The following NRG1 variants were observed in gnomAD, a reference collection of about 807,000 sequenced individuals.
The protein encoded by NRG1 is pro-neuregulin-1, membrane-bound isoform.
NRG1 carries 18 observed loss-of-function variants against 63.8 expected under a neutral mutation model. The ratio of observed to expected loss-of-function variants is 0.28; its 90% CI spans 0.19 to 0.42. NRG1 has a LOEUF of 0.42. Among genes scored for constraint, NRG1 ranks in the 10% least tolerant of loss-of-function variants. The probability of loss-of-function intolerance (pLI) is 1.00; values close to 1 mark genes in which losing one functional copy is unlikely to be tolerated. For missense variants in NRG1, 762 were observed against 814.7 expected, an observed-to-expected ratio of 0.94 and a Z score of 0.79; for synonymous variants, 302 against 301.3, an observed-to-expected ratio of 1.00 and a Z score of -0.02.
chr8:32,244,786 A>G (rs1017754699), intron 1 of NRG1, among the ~76,000 whole-genome samples: 2 of 152,194 alleles, frequency 1.3e-5, no homozygotes, highest in African/African-American at 4.8e-5. Context: ...CACCTAAACC[A>G]GCTGTTGAGA....
At chr8:31,788,075 G>C (rs1284609421) in intron 1 of NRG1, among the ~76,000 whole-genome samples, 1 of 152,116 alleles carries the variant, frequency 6.6e-6, no homozygotes, top group East Asian at 1.9e-4. Flanking sequence ...TACAGTCAGT[G>C]ATTGCAAAGC....
chr8:32,734,734 T>G (rs1824568477), intron 6 of NRG1, among the ~76,000 whole-genome samples: 2 of 152,224 alleles, frequency 1.3e-5, no homozygotes, highest in Admixed American at 1.3e-4. Flanking sequence ...GAAGTAGGGT[T>G]GAAGAAAATT....
chr8:32,248,398 G>T (rs889851976), intron 1 of NRG1, among the ~76,000 whole-genome samples: 1 of 151,860 alleles, frequency 6.6e-6, no homozygotes, highest in Admixed American at 6.6e-5. Context: ...ATGCAAAGTG[G>T]CAAAAATGAA....
At chr8:31,922,248 A>T (rs1313591408) in intron 1 of NRG1, among the ~76,000 whole-genome samples, 1 of 152,184 alleles carries the variant, frequency 6.6e-6, no homozygotes, top group Non-Finnish European at 1.5e-5. Flanking sequence ...TCAATAGCAG[A>T]GGCAATGGAA....
At chr8:32,333,379 T>C (rs1441235699) in intron 1 of NRG1, among the ~76,000 whole-genome samples, 1 of 152,068 alleles carries the variant, frequency 6.6e-6, no homozygotes, top group African/African-American at 2.4e-5. Context: ...TCAGGTATTC[T>C]CCTATGGTAT....
intron 1 of NRG1, among the ~76,000 whole-genome samples, chr8:32,080,834 CTTTAG>C (rs1376918731): frequency 6.6e-6 from 1 of 150,492 alleles, no homozygotes; most frequent in Non-Finnish European, 1.5e-5. Flanking sequence ...AAAGAGAGTG[CTTTAG>C]TTTAAGGAAT....
intron 1 of NRG1, among the ~76,000 whole-genome samples, chr8:31,790,833 C>T (rs1030802401): frequency 5.9e-5 from 9 of 152,126 alleles, no homozygotes; most frequent in African/African-American, 2.2e-4. Context: ...CATGAGACAC[C>T]TTGTCCAGGG....
chr8:31,767,775 G>A (rs1818215075), intron 1 of NRG1, among the ~76,000 whole-genome samples: 1 of 149,738 alleles, frequency 6.7e-6, no homozygotes, highest in African/African-American at 2.5e-5. Flanking sequence ...GGAGGCGGAG[G>A]TTGCAGTGAG....
chr8:32,543,759 A>G (rs1309940921), upstream of NRG1, among the ~76,000 whole-genome samples: 1 of 152,140 alleles, frequency 6.6e-6, no homozygotes, highest in Non-Finnish European at 1.5e-5. Context: ...GCCTTTTAGC[A>G]TTTTTCTTTG....
chr8:32,309,707 A>G (rs1171325724), intron 1 of NRG1, among the ~76,000 whole-genome samples: 1 of 152,186 alleles, frequency 6.6e-6, no homozygotes, highest in African/African-American at 2.4e-5. Context: ...ATATTGTTGC[A>G]TCATTTCTGT....
At chr8:31,903,784 G>A (rs1010051739) in intron 1 of NRG1, among the ~76,000 whole-genome samples, 4 of 151,912 alleles carry the variant, frequency 2.6e-5, no homozygotes, top group South Asian at 2.1e-4. Context: ...GGGAAACCCC[G>A]TTTCTACTAA....
chr8:32,054,066 A>G (rs1822437306), intron 1 of NRG1, among the ~76,000 whole-genome samples: 1 of 152,236 alleles, frequency 6.6e-6, no homozygotes, highest in Admixed American at 6.5e-5. Context: ...ACATTCCTGC[A>G]GTTACAATTG....
intron 1 of NRG1, among the ~76,000 whole-genome samples, chr8:32,171,128 G>A (rs1839983464): frequency 6.6e-6 from 1 of 152,054 alleles, no homozygotes; most frequent in Non-Finnish European, 1.5e-5. Context: ...GTGTGTAAAG[G>A]TTATTCAAAT....
At chr8:32,209,824 T>C (rs1430268874) in intron 1 of NRG1, among the ~76,000 whole-genome samples, 12 of 151,418 alleles carry the variant, frequency 7.9e-5, no homozygotes. Flanking sequence ...ACAGGAAGGC[T>C]CAGTGATCAG....
At chr8:32,471,871 C>G (rs1057412088) in intron 1 of NRG1, among the ~76,000 whole-genome samples, 1 of 151,990 alleles carries the variant, frequency 6.6e-6, no homozygotes, top group African/African-American at 2.4e-5. Flanking sequence ...GGCTGGTGCT[C>G]AAAATAATTG....
chr8:32,504,120 A>G (rs1828243338), intron 1 of NRG1, among the ~76,000 whole-genome samples: 1 of 152,124 alleles, frequency 6.6e-6, no homozygotes, highest in African/African-American at 2.4e-5. Context: ...CCACTTACCC[A>G]ACTCCTGCGA....
chr8:31,730,873 A>G (rs1345588726), intron 1 of NRG1, among the ~76,000 whole-genome samples: 1 of 152,224 alleles, frequency 6.6e-6, no homozygotes, highest in African/African-American at 2.4e-5. Flanking sequence ...TTCTAAACAT[A>G]CAACATGAAG....
intron 1 of NRG1, among the ~76,000 whole-genome samples, chr8:32,033,095 T>A (rs1363069629): frequency 6.7e-6 from 1 of 149,478 alleles, no homozygotes; most frequent in African/African-American, 2.5e-5. Context: ...CAGTCTATTT[T>A]TTTTTTTTTT....
At chr8:31,654,185 C>T (rs931085091) in intron 1 of NRG1, among the ~76,000 whole-genome samples, 1 of 152,024 alleles carries the variant, frequency 6.6e-6, no homozygotes, top group African/African-American at 2.4e-5. Flanking sequence ...TTGAAAAGTC[C>T]ATGAAAATGA....
Sources: allele counts gnomAD v4.1 joint callset (sites outside exome capture counted in the v4.1 genomes callset), GRCh38; gene constraint gnomAD v4.1.1; transcripts MANE v1.5; gene names NCBI Gene and HGNC (gene_info 2026-07-23, HGNC 2026-07-21).